The following ATP2C2 variants were observed in gnomAD, a reference collection of about 807,000 sequenced individuals.
ATP2C2 encodes the protein calcium-transporting ATPase type 2C member 2.
A neutral mutation model predicts 110.8 loss-of-function variants in ATP2C2; 171 were observed. That is an observed-to-expected ratio of 1.54 (90% CI 1.36 to 1.75). The LOEUF is 1.75. ATP2C2 is among the 40% of genes most tolerant of loss of function. The pLI is 0.00. For missense variants in ATP2C2, 1,963 were observed against 1,235.0 expected (o/e 1.59, Z -8.84); for synonymous variants, 804 against 508.4 (o/e 1.58, Z -7.82).
At chr16:84,434,189 G>A (rs759681939) in intron 11 of ATP2C2, among the ~76,000 whole-genome samples, 44 of 152,024 alleles carry the variant, frequency 2.9e-4, no homozygotes, top group Non-Finnish European at 5.9e-4. Flanking sequence ...AGGCCGAGGC[G>A]CGTGGATCAT....
At chr16:84,384,335 G>A (rs530451699) in intron 1 of ATP2C2, among the ~76,000 whole-genome samples, 6 of 152,234 alleles carry the variant, frequency 3.9e-5, no homozygotes, top group East Asian at 3.9e-4. Context: ...TTCCAGGCTC[G>A]GGGACGTCAT....
chr16:84,434,984 G>A (rs1464200403), intron 11 of ATP2C2, among the ~76,000 whole-genome samples: 1 of 152,212 alleles, frequency 6.6e-6, no homozygotes, highest in Admixed American at 6.5e-5. Flanking sequence ...AACCAACGAA[G>A]CCTTCTGGCT....
intron 7 of ATP2C2, among the ~76,000 whole-genome samples, chr16:84,421,129 C>A (rs1907297075): frequency 6.6e-6 from 1 of 152,178 alleles, no homozygotes; most frequent in Non-Finnish European, 1.5e-5. Context: ...TTGAGGAGCC[C>A]CAGCCAGGTA....
chr16:84,455,074 G>GGA, intron 21 of ATP2C2, 90 bp downstream of exon 21: 2 of 1,521,772 alleles, frequency 1.3e-6, no homozygotes, highest in Non-Finnish European at 1.8e-6. Flanking sequence ...AGATAGAGGG[G>GGA]GGGGTCTCGC....
intron 7 of ATP2C2, among the ~76,000 whole-genome samples, chr16:84,419,318 T>C (rs1208329418): frequency 6.7e-6 from 1 of 149,550 alleles, no homozygotes; most frequent in Non-Finnish European, 1.5e-5. Context: ...AGAAGCCGCC[T>C]GCATTCCTTG....
chr16:84,436,485 G>T (rs374868051), intron 11 of ATP2C2, among the ~76,000 whole-genome samples: 24 of 152,296 alleles, frequency 1.6e-4, no homozygotes, highest in African/African-American at 5.5e-4. Flanking sequence ...CTGTGGGTGG[G>T]TTGCAGGTGT....
At chr16:84,417,684 G>A in intron 7 of ATP2C2, among the ~76,000 whole-genome samples, 1 of 152,152 alleles carries the variant, frequency 6.6e-6, no homozygotes, top group South Asian at 2.1e-4. Context: ...TTGAGCCCAG[G>A]AGTTCAAGAC....
Position 84,442,610 on chromosome 16 carries a change from C to A in ATP2C2, c.1401+11C>A. 3.7e-6 allele frequency: 6 copies of A among 1,612,988 alleles called. No homozygotes were observed. Among genetic ancestry groups the A allele is most frequent in the Non-Finnish European group, 4.2e-6 (5 of 1,179,152 alleles). On this transcript the variant is annotated intron_variant, in intron 15 of 26. Coordinates refer to ENST00000262429, the MANE Select transcript of ATP2C2 (RefSeq NM_014861.4). ...GCCCTGGCGATGAAGGTAGGAGGTC[C>A]TGGGGTGGCTCTGCGGGGAATTCTT... is the stretch of plus-strand genomic sequence containing the variant.
rs187721006 is a variant in ATP2C2 at position 84,414,642 on chromosome 16, A to T, written c.516-841A>T. On this transcript the variant is annotated intron_variant, in intron 6 of 26. Transcript: ENST00000262429. ...CTCCCCAGAGCACGTGGCTGTGGGG[A>T]GAGGGTGGATACCTCAACAAGATCA... Among the ~76,000 whole-genome samples, 189 of 152,144 alleles carry T rather than the reference A, an allele frequency of 1.2e-3. 2 individuals are homozygous for T. The highest frequency in any genetic ancestry group is 7.3e-3 in the South Asian group (35 of 4,820).
chr16:84,411,044 G>T (rs1330770218), intron 6 of ATP2C2: 1 of 512,216 alleles, frequency 2.0e-6, no homozygotes. Flanking sequence ...TGGGAAGAGG[G>T]TAGCCCACAA....
chr16:84,430,931 C>G (rs1399541897), intron 11 of ATP2C2, among the ~76,000 whole-genome samples: 2 of 152,074 alleles, frequency 1.3e-5, no homozygotes, highest in African/African-American at 4.8e-5. Flanking sequence ...AGGATGGGGA[C>G]TCTGCTGCCA....
intron 11 of ATP2C2, among the ~76,000 whole-genome samples, chr16:84,427,049 C>G (rs952952197): frequency 6.6e-6 from 1 of 152,152 alleles, no homozygotes; most frequent in Non-Finnish European, 1.5e-5. Context: ...GGAAGGGAGC[C>G]TAGGGGCTGT....
At chr16:84,418,620 A>T (rs141684165) in intron 7 of ATP2C2, among the ~76,000 whole-genome samples, 181 of 152,300 alleles carry the variant, frequency 1.2e-3, no homozygotes, top group African/African-American at 4.1e-3. Flanking sequence ...AGCAGCCCGC[A>T]GAGGTTGCGT....
intron 2 of ATP2C2, chr16:84,404,838 A>G (rs1395207632): frequency 9.3e-5 from 37 of 395,914 alleles, no homozygotes. Flanking sequence ...TTAAGAAGAA[A>G]AGATGTGTTT....
intron 25 of ATP2C2, 29 bp from the exon 26 acceptor site, chr16:84,461,959 C>T (rs771669135): frequency 1.9e-6 from 3 of 1,610,416 alleles, no homozygotes; most frequent in South Asian, 2.2e-5. Context: ...GGACAGCACA[C>T]AATCCCCCGT....
intron 4 of ATP2C2, 150 bp from the exon 5 acceptor site, chr16:84,410,418 G>T: frequency 2.3e-6 from 2 of 879,492 alleles, no homozygotes; most frequent in Admixed American, 2.0e-5. Flanking sequence ...TGCTCTTTTG[G>T]CTAGTATATT....
Position 84,452,062 on chromosome 16 carries a change from G to C in ATP2C2, c.1802G>C (p.Gly601Ala). 1 of 1,613,970 alleles carries C rather than the reference G, an allele frequency of 6.2e-7. No individual in the cohort carries two copies. The highest frequency in any genetic ancestry group is 8.5e-7 in the Non-Finnish European group (1 of 1,179,996). ...ESGVSVKMIT[G>A]DALETALAIG... ...GGTGTGTCTGTGAAGATGATAACGG[G>C]GGATGCCCTGGAGACGGCCTTGGCC... The change falls in exon 18 of 27, where the codon GGG (glycine) becomes GCG (alanine). Residue 601 changes from glycine to alanine, a missense_variant. By Grantham distance (60) the Gly-to-Ala change is moderately conservative. Transcript: ENST00000262429.
chr16:84,398,701 C>A (rs1321758556), intron 2 of ATP2C2, 92 bp downstream of exon 2: 2 of 971,026 alleles, frequency 2.1e-6, no homozygotes, highest in Non-Finnish European at 3.0e-6. Flanking sequence ...CTTTGAAATT[C>A]TGTGTTATTA....
chr16:84,417,318 C>G (rs1353875779), intron 7 of ATP2C2, among the ~76,000 whole-genome samples: 2 of 152,108 alleles, frequency 1.3e-5, no homozygotes, highest in Non-Finnish European at 2.9e-5. Flanking sequence ...TAGGGCGTGA[C>G]TCGGGGAAGG....
Sources: allele counts gnomAD v4.1 joint callset (sites outside exome capture counted in the v4.1 genomes callset), GRCh38; gene constraint gnomAD v4.1.1; transcripts MANE v1.5; gene names NCBI Gene and HGNC (gene_info 2026-07-23, HGNC 2026-07-21).